Variants in ADD1 observed in about 807,000 individuals in gnomAD.
ADD1 encodes the protein alpha-adducin.
ADD1 carries 24 observed loss-of-function variants against 80.5 expected under a neutral mutation model. The ratio of observed to expected loss-of-function variants is 0.30; its 90% CI spans 0.22 to 0.42. ADD1 has a LOEUF of 0.42. Ranked by LOEUF, ADD1 falls within the 10% of genes least tolerant of loss-of-function variation. ADD1 has a pLI of 1.00. For synonymous variants in ADD1, 373 were observed against 393.8 expected (o/e 0.95, Z 0.63); for missense variants, 948 against 1,019.0 (o/e 0.93, Z 0.95).
chr4:2,883,368 G>A (rs1732701538), intron 3 of ADD1, among the ~76,000 whole-genome samples: 2 of 151,100 alleles, frequency 1.3e-5, no homozygotes, highest in East Asian at 1.9e-4. Flanking sequence ...CATAGTCAGT[G>A]TGTTTCACAT....
rs569772080 is a variant in ADD1 at position 2,899,510 on chromosome 4, G to A, written c.1161+75G>A. 397 of 1,533,202 alleles carry A rather than the reference G, an allele frequency of 2.6e-4. 1 individual carries two copies. In the African/African-American group the frequency reaches 4.9e-3, roughly 19 times the overall value. The allele number at this position is 1,533,202 out of a possible 1,614,324, so 95.0% of individuals were successfully genotyped here. A position where few individuals can be genotyped will look rare whatever the true frequency, so the allele number is the denominator to read the frequency against. On this transcript the variant is annotated intron_variant, in intron 9 of 15. Coordinates refer to ENST00000683351, the MANE Select transcript of ADD1 (RefSeq NM_001354761.2). ...CAGTGTTGGTGTTCTTACAGCAAGT[G>A]CGATTGCTGTCTTTTATGCAGTATC...
chr4:2,880,754 C>T (rs1054404224), intron 2 of ADD1, among the ~76,000 whole-genome samples: 4 of 151,958 alleles, frequency 2.6e-5, no homozygotes, highest in East Asian at 1.9e-4. Context: ...GGATTACAGG[C>T]GTGAGCCACC....
In ADD1 at chr4:2,880,463, C is replaced by CTTTTTTT. The variant is rs1167878841; in HGVS notation, c.196-1411_196-1405dup. 9.3e-3 allele frequency among the ~76,000 whole-genome samples: 591 copies of CTTTTTTT among 63,270 alleles called. 14 individuals carry two copies. Among genetic ancestry groups the CTTTTTTT allele is most frequent in the Non-Finnish European group, 0.012 (419 of 34,692 alleles). 41.5% of individuals were successfully genotyped at this position (63,270 alleles called of 152,430 possible). A position where few individuals can be genotyped will look rare whatever the true frequency, so the allele number is the denominator to read the frequency against. On this transcript the variant is annotated intron_variant, in intron 2 of 15. Coordinates refer to ENST00000683351, the MANE Select transcript of ADD1 (RefSeq NM_001354761.2). ...TGTTTGACAAGATATTTCTTTCTTT[C>CTTTTTTT]TTTTTTTTTTTTTTTTTTTTTTTTT...
At chr4:2,915,748 C>CG (rs1178022115) in intron 14 of ADD1, among the ~76,000 whole-genome samples, 1 of 152,202 alleles carries the variant, frequency 6.6e-6, no homozygotes, top group East Asian at 1.9e-4. Context: ...CGCTTGAACC[C>CG]GGGGGGCGGA....
At chr4:2,876,528 C>T (rs914069070) in intron 2 of ADD1, 1 of 152,980 alleles carries the variant, frequency 6.5e-6, no homozygotes, top group African/African-American at 2.4e-5. Context: ...ACGGTGAAAC[C>T]CTGTCTCCAT....
intron 2 of ADD1, 121 bp from the exon 3 acceptor site, chr4:2,881,777 T>C (rs1021752339): frequency 3.0e-6 from 2 of 661,472 alleles, no homozygotes; most frequent in African/African-American, 3.7e-5. Flanking sequence ...TGTGAGAATA[T>C]CCGTTTGCCT....
chr4:2,872,293 C>T (rs1443300456), intron 1 of ADD1, among the ~76,000 whole-genome samples: 2 of 152,168 alleles, frequency 1.3e-5, no homozygotes, highest in African/African-American at 4.8e-5. Context: ...ATGGTGAAAT[C>T]TTAAAATGTA....
intron 1 of ADD1, among the ~76,000 whole-genome samples, chr4:2,873,943 C>T (rs1434317779): frequency 6.6e-6 from 1 of 152,212 alleles, no homozygotes; most frequent in Non-Finnish European, 1.5e-5. Context: ...TTAGGCTGGG[C>T]TCTTGCCTGT....
intron 14 of ADD1, among the ~76,000 whole-genome samples, chr4:2,925,359 ATTAATC>A (rs10605004): frequency 0.25 from 37,457 of 151,824 alleles, 4,869 homozygotes; most frequent in Non-Finnish European, 0.28. Context: ...ATCCTAAGCT[ATTAATC>A]TTAAACTTCT....
chr4:2,844,536 G>A (rs922093632), intron 1 of ADD1: 1 of 152,218 alleles, frequency 6.6e-6, no homozygotes, highest in African/African-American at 2.4e-5. Context: ...TCAGCGATGG[G>A]GCTGTTGGTC....
At chr4:2,884,363 T>C (rs2108945484) in intron 3 of ADD1, 152 bp from the exon 4 acceptor site, 3 of 476,772 alleles carry the variant, frequency 6.3e-6, no homozygotes, top group Admixed American at 7.2e-5. Flanking sequence ...TAAGTCTCGC[T>C]TTGTTGCCTT....
chr4:2,891,033 C>T (rs1734217995), intron 4 of ADD1, among the ~76,000 whole-genome samples: 1 of 151,846 alleles, frequency 6.6e-6, no homozygotes, highest in Non-Finnish European at 1.5e-5. Flanking sequence ...ACCTGTAATC[C>T]CAACACTTTT....
chr4:2,845,547 C>G (rs1421472452), intron 1 of ADD1, among the ~76,000 whole-genome samples: 1 of 152,098 alleles, frequency 6.6e-6, no homozygotes, highest in Non-Finnish European at 1.5e-5. Flanking sequence ...CTTGTGGTGT[C>G]TTTAGGTTTT....
intron 1 of ADD1, among the ~76,000 whole-genome samples, chr4:2,873,265 T>TAC (rs1730741555): frequency 6.6e-6 from 1 of 152,214 alleles, no homozygotes; most frequent in South Asian, 2.1e-4. Context: ...GTGCCAGGAT[T>TAC]ACAGACATGT....
rs1482057982 is a variant in ADD1, at chr4:2,929,281, A to G, written c.*758A>G. ...TGAGCAGGTTTACAATTTAGCTTAC[A>G]TTTTTCGACTGTGAACGTGAATAGG... On this transcript the variant is annotated 3_prime_UTR_variant, in exon 16 of 16. Coordinates refer to ENST00000683351, the MANE Select transcript of ADD1 (RefSeq NM_001354761.2). 3.3e-5 allele frequency: 5 copies of G among 152,032 alleles called. No homozygotes were observed. The highest frequency in any genetic ancestry group is 7.4e-5 in the Non-Finnish European group (5 of 68,006). 9.4% of individuals were successfully genotyped at this position (152,032 alleles called of 1,614,324 possible). A position where few individuals can be genotyped will look rare whatever the true frequency, so the allele number is the denominator to read the frequency against.
At chr4:2,848,413 G>A (rs1039994340) in intron 1 of ADD1, among the ~76,000 whole-genome samples, 7 of 152,120 alleles carry the variant, frequency 4.6e-5, no homozygotes, top group African/African-American at 1.7e-4. Context: ...TATAACTAAT[G>A]TGTAACACTG....
intron 1 of ADD1, among the ~76,000 whole-genome samples, chr4:2,873,748 T>C (rs1174734951): frequency 1.3e-5 from 2 of 152,244 alleles, no homozygotes; most frequent in African/African-American, 4.8e-5. Context: ...GCAGAACATT[T>C]TTATTATTGG....
intron 14 of ADD1, among the ~76,000 whole-genome samples, chr4:2,915,807 C>CA (rs1009804696): frequency 1.8e-4 from 27 of 150,830 alleles, no homozygotes; most frequent in South Asian, 8.4e-4. Context: ...CTGGGCATCT[C>CA]AAAAAAAAAG....
intron 1 of ADD1, among the ~76,000 whole-genome samples, chr4:2,872,915 A>G (rs1000951107): frequency 9.2e-5 from 14 of 151,932 alleles, no homozygotes; most frequent in African/African-American, 2.7e-4. Context: ...ATTCTAAGAT[A>G]CTATGAAAAA....
Sources: gnomAD v4.1 joint callset for allele counts (sites outside exome capture counted in the v4.1 genomes callset) on GRCh38, gnomAD v4.1.1 for gene constraint, MANE v1.5 for transcripts, NCBI Gene and HGNC (gene_info 2026-07-23, HGNC 2026-07-21) for gene names.